Variants in LRRC8C observed in about 807,000 individuals in gnomAD.
The protein encoded by LRRC8C is leucine rich repeat containing 8 VRAC subunit C.
In LRRC8C, 20 loss-of-function variants were observed where a neutral mutation model predicts 55.3. That is an observed-to-expected ratio of 0.36 (90% CI 0.25 to 0.53). The LOEUF is 0.53. Among genes scored for constraint, LRRC8C ranks in the 20% least tolerant of loss-of-function variants. LRRC8C has a pLI of 0.92. For missense variants in LRRC8C, 659 were observed against 951.4 expected (o/e 0.69, Z 4.04); for synonymous variants, 376 against 360.7 (o/e 1.04, Z -0.48).
At chr1:89,673,768 G>T (rs2101245256) in intron 1 of LRRC8C, among the ~76,000 whole-genome samples, 1 of 152,292 alleles carries the variant, frequency 6.6e-6, no homozygotes, top group South Asian at 2.1e-4. Context: ...GGACCTTATA[G>T]CCTAGGGAAG....
At chr1:89,626,776 T>C in the LRRC8C span, 1 of 152,164 alleles carries the variant, frequency 6.6e-6, no homozygotes, top group African/African-American at 2.4e-5. Context: ...CAGGTGAATG[T>C]GTTCTTGTTC....
chr1:89,713,664 A>G lies in LRRC8C; in HGVS notation c.1094A>G (p.Asp365Gly), dbSNP rs1658720315. The stretch of plus-strand genomic sequence containing the variant: ...GAGACTGGAATTGATGATATTCCAG[A>G]TGTGAAAAATGACTTTGCTTTTATG... Reference protein sequence around the residue: ...RQETGIDDIPDVKNDFAFMLH... With the variant: ...RQETGIDDIPGVKNDFAFMLH... Residue 365 changes from aspartate to glycine, a missense_variant, in exon 3 of 3, where the codon GAT (aspartate) becomes GGT (glycine). Asp to Gly is a moderately conservative substitution (Grantham distance 94). Around this residue, in one of 5 missense-constraint regions of LRRC8C, gnomAD observed 200 missense variants for 360.5 expected, o/e 0.55. Transcript: ENST00000370454. The surrounding 1 kb of genome is among the most constrained non-coding windows in gnomAD (Gnocchi z 5.2). 2 of 1,614,094 alleles carry G rather than the reference A, an allele frequency of 1.2e-6. No homozygotes were observed. The highest frequency in any genetic ancestry group is 8.5e-7 in the Non-Finnish European group (1 of 1,179,956).
intron 1 of LRRC8C, among the ~76,000 whole-genome samples, chr1:89,667,039 G>T (rs1236311078): frequency 1.3e-5 from 2 of 152,090 alleles, no homozygotes; most frequent in Non-Finnish European, 2.9e-5. Context: ...TTTTCAATAG[G>T]GTAGCCAGAA....
chr1:89,693,513 A>C (rs754285645), intron 2 of LRRC8C, among the ~76,000 whole-genome samples: 11 of 152,172 alleles, frequency 7.2e-5, no homozygotes, highest in Non-Finnish European at 1.2e-4. Context: ...TTTTATAGAT[A>C]GAAGCCCAGA....
chr1:89,637,619 AAG>A (rs1459368450), intron 1 of LRRC8C, among the ~76,000 whole-genome samples: 2 of 152,136 alleles, frequency 1.3e-5, no homozygotes, highest in Non-Finnish European at 2.9e-5. Context: ...ATGGGCAAGA[AAG>A]AGAAACTAAT....
At chr1:89,701,224 C>G (rs890898944) in intron 2 of LRRC8C, among the ~76,000 whole-genome samples, 3 of 152,144 alleles carry the variant, frequency 2.0e-5, no homozygotes, top group Non-Finnish European at 2.9e-5. Context: ...TGCCTGTAAT[C>G]CCAGCACTTT....
intron 1 of LRRC8C, among the ~76,000 whole-genome samples, chr1:89,653,341 A>G (rs1444734233): frequency 6.6e-6 from 1 of 152,140 alleles, no homozygotes; most frequent in Admixed American, 6.5e-5. Context: ...CAAAAGAACA[A>G]AAAGATGTCA....
upstream of LRRC8C, among the ~76,000 whole-genome samples, chr1:89,628,072 G>T (rs761950700): frequency 6.6e-6 from 1 of 152,154 alleles, no homozygotes; most frequent in African/African-American, 2.4e-5. Flanking sequence ...TACCTCATAA[G>T]TGTTTATTCT....
intron 2 of LRRC8C, among the ~76,000 whole-genome samples, chr1:89,704,819 T>C (rs1658429048): frequency 6.6e-6 from 1 of 152,114 alleles, no homozygotes; most frequent in African/African-American, 2.4e-5. Context: ...TTTTATGCTA[T>C]TGGTGGGACT....
chr1:89,628,408 G>T (rs1216084610), upstream of LRRC8C, among the ~76,000 whole-genome samples: 1 of 152,054 alleles, frequency 6.6e-6, no homozygotes, highest in African/African-American at 2.4e-5. Context: ...TTTTATTTTT[G>T]ATTTAGGGTC....
intron 1 of LRRC8C, chr1:89,668,302 G>GA (rs1280819237): frequency 1.3e-5 from 2 of 152,464 alleles, no homozygotes; most frequent in African/African-American, 4.8e-5. Context: ...AGCATCAAAT[G>GA]AAAAACAGGT....
At chr1:89,694,164 C>T (rs1028607123) in intron 2 of LRRC8C, among the ~76,000 whole-genome samples, 1 of 151,728 alleles carries the variant, frequency 6.6e-6, no homozygotes, top group Non-Finnish European at 1.5e-5. Context: ...TTAGTTGGGA[C>T]CTTCTTTTTA....
rs745373878 is a variant in LRRC8C, at chr1:89,712,909, G to T, written c.339G>T (p.Gln113His). The change falls in exon 3 of 3, where the codon CAG becomes CAT. Residue 113 changes from glutamine (Q) to histidine (H), a missense_variant. Transcript: ENST00000370454. ...TTCAGCAGTACAGCTTTATAAATCA[G>T]ATGTGTTATGAGCGAGCCCTCCACT... ...LDLQQYSFIN[Q>H]MCYERALHWY... is the part of the protein sequence containing the mutation. 2.5e-6 allele frequency: 4 copies of T among 1,613,834 alleles called. No individual in the cohort carries two copies. In the African/African-American group the frequency reaches 5.4e-5, roughly 22 times the overall value.
chr1:89,709,743 TTTTTTTTGTTTG>T lies in LRRC8C; in HGVS notation c.139-2958_139-2947del, dbSNP rs1310468386. Among the ~76,000 whole-genome samples, 5 of 89,514 alleles carry T rather than the reference TTTTTTTTGTTTG, an allele frequency of 5.6e-5. 1 individual carries two copies. In the East Asian group the frequency reaches 2.5e-3, roughly 45 times the overall value. The allele number at this position is 89,514 out of a possible 152,430, so 58.7% of individuals were successfully genotyped here. On this transcript the variant is annotated intron_variant, in intron 2 of 2. Coordinates refer to ENST00000370454, the MANE Select transcript of LRRC8C (RefSeq NM_032270.5). ...TTTTGTTTTGTTTTTTGTGTGTGGT[TTTTTTTTGTTTG>T]TTTTTTTTTTGTTTGAGACGGAGTC... is the stretch of plus-strand genomic sequence containing the variant.
intron 1 of LRRC8C, among the ~76,000 whole-genome samples, chr1:89,680,549 C>CTTTTTTTTTTT (rs10593283): frequency 3.3e-5 from 3 of 91,872 alleles, no homozygotes; most frequent in Admixed American, 1.6e-4. Flanking sequence ...TGCTTTCATG[C>CTTTTTTTTTTT]TTTTTTTTTT....
intron 1 of LRRC8C, among the ~76,000 whole-genome samples, chr1:89,648,174 T>G (rs1280317259): frequency 2.0e-5 from 3 of 152,254 alleles, no homozygotes; most frequent in African/African-American, 7.2e-5. Context: ...ATACATAGGT[T>G]AAAACTATTG....
chr1:89,708,123 C>T (rs943760402), intron 2 of LRRC8C, among the ~76,000 whole-genome samples: 10 of 151,476 alleles, frequency 6.6e-5, no homozygotes, highest in African/African-American at 2.2e-4. Context: ...TTTTCTCTCC[C>T]TCTTCCTACA....
the LRRC8C span, among the ~76,000 whole-genome samples, chr1:89,617,028 G>A: frequency 6.6e-6 from 1 of 152,132 alleles, no homozygotes; most frequent in Non-Finnish European, 1.5e-5. Flanking sequence ...ATGTTTTACT[G>A]CCAAAATTGG....
chr1:89,666,412 AATATAT>A (rs777048799), intron 1 of LRRC8C, among the ~76,000 whole-genome samples: 2 of 151,948 alleles, frequency 1.3e-5, no homozygotes, highest in Non-Finnish European at 2.9e-5. Flanking sequence ...CTTTAACAAA[AATATAT>A]ATATATAAAG....
Sources: allele counts gnomAD v4.1 joint callset (sites outside exome capture counted in the v4.1 genomes callset), GRCh38; gene constraint gnomAD v4.1.1; regional missense constraint gnomAD v4.1.1; non-coding constraint Gnocchi (gnomAD v3.1); transcripts MANE v1.5; gene names NCBI Gene and HGNC (gene_info 2026-07-23, HGNC 2026-07-21).